The following AUH variants were observed in gnomAD, a reference collection of about 807,000 sequenced individuals.
AUH encodes the protein AU RNA binding methylglutaconyl-CoA hydratase, also known as methylglutaconyl-CoA hydratase, mitochondrial.
AUH carries 29 observed loss-of-function variants against 42.3 expected under a neutral mutation model. The observed-to-expected ratio is 0.69, with a 90% CI of 0.51 to 0.93. The LOEUF is 0.93. Among genes scored for constraint, AUH ranks in the 40% least tolerant of loss-of-function variants. AUH has a pLI of 0.00. For missense variants in AUH, 452 were observed against 438.1 expected (o/e 1.03, Z -0.28); for synonymous variants, 174 against 166.4 (o/e 1.05, Z -0.35).
chr9:91,359,488 G>A lies in AUH; in HGVS notation c.262+2140C>T, dbSNP rs182560160. Among the ~76,000 whole-genome samples the A allele has an allele frequency of 1.3e-3, 195 of 151,810 alleles. 1 individual carries two copies. The highest frequency in any genetic ancestry group is 4.4e-3 in the African/African-American group (184 of 41,370). ...TTTTTCTTTTTTTTTAAGAGACAAGGTCTTGTTGTGTCACCCAGACTGGAG... is the reference window on the plus strand; with the variant it reads ...TTTTTCTTTTTTTTTAAGAGACAAGATCTTGTTGTGTCACCCAGACTGGAG... On this transcript the variant is annotated intron_variant, in intron 1 of 9. Coordinates refer to ENST00000375731, the MANE Select transcript of AUH (RefSeq NM_001698.3).
At chr9:91,236,153 T>C (rs1211241516) in intron 6 of AUH, among the ~76,000 whole-genome samples, 1 of 152,140 alleles carries the variant, frequency 6.6e-6, no homozygotes, top group Non-Finnish European at 1.5e-5. Flanking sequence ...TATGGCAGTG[T>C]TGCTGGGCAA....
chr9:91,337,247 TG>T, intron 3 of AUH, among the ~76,000 whole-genome samples: 1 of 152,326 alleles, frequency 6.6e-6, no homozygotes, highest in South Asian at 2.1e-4. Context: ...GAAATTCATG[TG>T]TTTTCTTTGT....
intron 3 of AUH, among the ~76,000 whole-genome samples, chr9:91,330,215 C>T (rs1323226561): frequency 6.6e-6 from 1 of 152,084 alleles, no homozygotes; most frequent in Non-Finnish European, 1.5e-5. Context: ...AAAGATATCA[C>T]TTTCAAAACA....
At chr9:91,319,062 A>G (rs996125677) in intron 4 of AUH, among the ~76,000 whole-genome samples, 1 of 152,170 alleles carries the variant, frequency 6.6e-6, no homozygotes, top group Non-Finnish European at 1.5e-5. Flanking sequence ...TTTTCTTATT[A>G]TCTTTATAAT....
intron 6 of AUH, among the ~76,000 whole-genome samples, chr9:91,239,130 G>A (rs372541577): frequency 1.1e-4 from 17 of 150,954 alleles, no homozygotes; most frequent in African/African-American, 3.7e-4. Flanking sequence ...AACATTTAAC[G>A]GTGGAAAACC....
At chr9:91,332,690 G>C (rs1190218354) in intron 3 of AUH, among the ~76,000 whole-genome samples, 1 of 152,116 alleles carries the variant, frequency 6.6e-6, no homozygotes, top group Non-Finnish European at 1.5e-5. Flanking sequence ...AAAGGCAAAG[G>C]GAAGTGGAAT....
chr9:91,221,597 C>T (rs1827140100), intron 6 of AUH, among the ~76,000 whole-genome samples: 1 of 152,122 alleles, frequency 6.6e-6, no homozygotes, highest in Non-Finnish European at 1.5e-5. Flanking sequence ...CACAAACACA[C>T]CCCTTTTCCA....
At chr9:91,358,516 C>A (rs1832609346) in intron 1 of AUH, among the ~76,000 whole-genome samples, 1 of 152,192 alleles carries the variant, frequency 6.6e-6, no homozygotes, top group Admixed American at 6.5e-5. Flanking sequence ...GTTTCTTACT[C>A]TATTAAGATA....
At chr9:91,243,478 C>T (rs753661152) in intron 6 of AUH, among the ~76,000 whole-genome samples, 6 of 152,236 alleles carry the variant, frequency 3.9e-5, no homozygotes, top group African/African-American at 7.2e-5. Flanking sequence ...CGGCAAGGCC[C>T]GTGTGATGGA....
intron 3 of AUH, among the ~76,000 whole-genome samples, chr9:91,326,814 T>A (rs974965780): frequency 1.3e-5 from 2 of 152,214 alleles, no homozygotes; most frequent in African/African-American, 4.8e-5. Context: ...CATGTCTTTG[T>A]AATTAATTTT....
chr9:91,273,381 T>G (rs930405546), intron 6 of AUH, among the ~76,000 whole-genome samples: 3 of 150,240 alleles, frequency 2.0e-5, no homozygotes, highest in Non-Finnish European at 4.4e-5. Flanking sequence ...TTCCAGGTAT[T>G]CCTTGTAACA....
At chr9:91,325,184 G>T in intron 4 of AUH, 134 bp downstream of exon 4, 2 of 638,770 alleles carry the variant, frequency 3.1e-6, no homozygotes, top group Non-Finnish European at 5.4e-6. Flanking sequence ...TAAGTGTCAC[G>T]TTAAACAGCT....
At chr9:91,331,843 C>G (rs2131903788) in intron 3 of AUH, among the ~76,000 whole-genome samples, 1 of 152,304 alleles carries the variant, frequency 6.6e-6, no homozygotes, top group African/African-American at 2.4e-5. Flanking sequence ...TGCATGATGT[C>G]TAGCTTCCTT....
chr9:91,340,932 C>T (rs577770219), intron 3 of AUH, among the ~76,000 whole-genome samples: 2 of 152,270 alleles, frequency 1.3e-5, no homozygotes, highest in South Asian at 4.1e-4. Context: ...GCACACAAAG[C>T]CTAAAATATC....
intron 6 of AUH, among the ~76,000 whole-genome samples, chr9:91,292,122 G>A (rs573100800): frequency 1.1e-3 from 165 of 152,134 alleles, no homozygotes; most frequent in African/African-American, 3.8e-3. Flanking sequence ...TTTCTTAAAC[G>A]GCTCTTTCAA....
chr9:91,268,575 C>T (rs1034248170), intron 6 of AUH, among the ~76,000 whole-genome samples: 2 of 152,044 alleles, frequency 1.3e-5, no homozygotes, highest in African/African-American at 4.8e-5. Context: ...GGACTACAGG[C>T]GCACGCTGCC....
intron 6 of AUH, among the ~76,000 whole-genome samples, chr9:91,231,611 G>T (rs1827887865): frequency 6.6e-6 from 1 of 152,208 alleles, no homozygotes; most frequent in South Asian, 2.1e-4. Flanking sequence ...ATGACATTAA[G>T]CAGTGGAATT....
intron 4 of AUH, among the ~76,000 whole-genome samples, chr9:91,312,226 C>T (rs1184579558): frequency 6.6e-6 from 1 of 152,130 alleles, no homozygotes; most frequent in Non-Finnish European, 1.5e-5. Context: ...ATTAAAAACA[C>T]ACAGAGTACA....
At chr9:91,289,394 A>G (rs570277465) in intron 6 of AUH, among the ~76,000 whole-genome samples, 24 of 152,230 alleles carry the variant, frequency 1.6e-4, no homozygotes, top group Non-Finnish European at 2.8e-4. Flanking sequence ...CTCATCTGGA[A>G]AAGAGGAAGA....
Sources: gnomAD v4.1 joint callset for allele counts (sites outside exome capture counted in the v4.1 genomes callset) on GRCh38, gnomAD v4.1.1 for gene constraint, MANE v1.5 for transcripts, NCBI Gene and HGNC (gene_info 2026-07-23, HGNC 2026-07-21) for gene names.